COL9A1: variants seen among roughly 807,000 people sequenced by gnomAD.
The protein encoded by COL9A1 is collagen alpha-1(IX) chain.
In COL9A1, 104 loss-of-function variants were observed where a neutral mutation model predicts 142.6. The observed-to-expected ratio is 0.73, with a 90% CI of 0.62 to 0.86. The LOEUF is 0.86. Among genes scored for constraint, COL9A1 ranks in the 40% least tolerant of loss-of-function variants. COL9A1 has a pLI of 0.00. For synonymous variants in COL9A1, 466 were observed against 396.0 expected (o/e 1.18, Z -2.10); for missense variants, 1,210 against 1,176.6 (o/e 1.03, Z -0.42).
chr6:70,280,802 G>A lies in COL9A1; in HGVS notation c.975+10C>T. ...CAGGCTGGGCGCCCTCCCAGCACTC[G>A]CCTACTCACATCAGCGCCAGGTGTG... On this transcript the variant is annotated intron_variant, in intron 10 of 37. Coordinates refer to ENST00000357250, the MANE Select transcript of COL9A1 (RefSeq NM_001851.6). 1 of 1,610,912 alleles carries A rather than the reference G, an allele frequency of 6.2e-7. No individual in the cohort carries two copies. Among genetic ancestry groups the A allele is most frequent in the Non-Finnish European group, 8.5e-7 (1 of 1,178,926 alleles).
At chr6:70,256,507 A>G (rs1190110575) in intron 21 of COL9A1, among the ~76,000 whole-genome samples, 1 of 152,180 alleles carries the variant, frequency 6.6e-6, no homozygotes, top group African/African-American at 2.4e-5. Flanking sequence ...CTAATAACCA[A>G]AGAAAAGGAA....
At chr6:70,262,788 CATG>C (rs1248405889) in intron 19 of COL9A1, among the ~76,000 whole-genome samples, 8 of 152,272 alleles carry the variant, frequency 5.3e-5, no homozygotes, top group African/African-American at 1.9e-4. Context: ...TATTAAAAGA[CATG>C]ATATGAGCAA....
chr6:70,232,671 T>TCCAGGAGGGCCGGGGGGA lies in COL9A1; in HGVS notation c.2397_2414dup (p.Pro800_Gly805dup). ...CCATCTGGCCTGGGAAACCATTCTC[T>TCCAGGAGGGCCGGGGGGA]CCAGGAGGGCCGGGGGGACCAGGAG... On this transcript the variant is annotated inframe_insertion, in exon 36 of 38. Coordinates refer to ENST00000357250, the MANE Select transcript of COL9A1 (RefSeq NM_001851.6). 6.2e-7 allele frequency: 1 copy of TCCAGGAGGGCCGGGGGGA among 1,613,966 alleles called. No individual in the cohort carries two copies. Among genetic ancestry groups the TCCAGGAGGGCCGGGGGGA allele is most frequent in the South Asian group, 1.1e-5 (1 of 91,066 alleles).
At chr6:70,288,977 T>A (rs181833496) in intron 5 of COL9A1, among the ~76,000 whole-genome samples, 1 of 152,182 alleles carries the variant, frequency 6.6e-6, no homozygotes, top group Non-Finnish European at 1.5e-5. Context: ...AGATGTTTAA[T>A]AGTTACTGAA....
chr6:70,279,367 A>G (rs575919520), intron 10 of COL9A1: 3 of 151,984 alleles, frequency 2.0e-5, no homozygotes, highest in Non-Finnish European at 4.4e-5. Context: ...ATTAGTCCTT[A>G]GGTGCCTCCT....
rs1361950697 is a variant in COL9A1 at position 70,216,846 on chromosome 6, G to T, written c.*51C>A. On this transcript the variant is annotated 3_prime_UTR_variant, in exon 38 of 38. Transcript: ENST00000357250. Reference sequence around the variant, plus strand: ...GCTTTGGATGGTGTTTCTCACCCAGGCTCCTTCACCAGGCGTGGTTCATGC... The same window carrying T: ...GCTTTGGATGGTGTTTCTCACCCAGTCTCCTTCACCAGGCGTGGTTCATGC... 5 of 1,594,436 alleles carry T rather than the reference G, an allele frequency of 3.1e-6. No individual in the cohort carries two copies. The highest frequency in any genetic ancestry group is 3.4e-6 in the Non-Finnish European group (4 of 1,164,034).
At chr6:70,281,552 G>T in intron 7 of COL9A1, 88 bp from the exon 8 acceptor site, 2 of 1,026,732 alleles carry the variant, frequency 1.9e-6, no homozygotes, top group Admixed American at 2.7e-5. Flanking sequence ...CCGCCTCCGT[G>T]GGGTAAAAGT....
At position 70,295,177 on chromosome 6, in the gene COL9A1, TA is replaced by T. The variant is rs200273643; in HGVS notation, c.300-615del. Among the ~76,000 whole-genome samples the T allele has an allele frequency of 4.1e-3, 624 of 152,174 alleles. 14 individuals are homozygous for T. In the South Asian group the frequency reaches 0.045, roughly 11 times the overall value. On this transcript the variant is annotated intron_variant, in intron 4 of 37. Coordinates refer to ENST00000357250, the MANE Select transcript of COL9A1 (RefSeq NM_001851.6). ...CACACTGAGGATGTTTGTCTTTTTT[TA>T]GGGAGTTCAAATTATGATGTTAAAG...
chr6:70,282,839 G>T, intron 7 of COL9A1, 59 bp downstream of exon 7: 1 of 1,612,898 alleles, frequency 6.2e-7, no homozygotes. Context: ...CGACCGCTGC[G>T]CCCCGACCTG....
intron 7 of COL9A1, 110 bp from the exon 8 acceptor site, chr6:70,281,574 G>T: frequency 3.7e-6 from 3 of 811,692 alleles, no homozygotes; most frequent in Non-Finnish European, 5.8e-6. Flanking sequence ...ACCTTCCAGA[G>T]GAGGCCGGGT....
intron 35 of COL9A1, among the ~76,000 whole-genome samples, chr6:70,233,966 A>G (rs999168181): frequency 6.6e-6 from 1 of 152,262 alleles, no homozygotes; most frequent in Non-Finnish European, 1.5e-5. Flanking sequence ...TTCTGAAACA[A>G]ATAACAATTG....
intron 21 of COL9A1, among the ~76,000 whole-genome samples, chr6:70,255,885 A>G (rs547528574): frequency 2.4e-4 from 37 of 152,338 alleles, no homozygotes; most frequent in South Asian, 6.2e-4. Context: ...TTCCTAAAAT[A>G]TAGCTTTTGT....
chr6:70,248,943 CA>C (rs1423610802), intron 28 of COL9A1, among the ~76,000 whole-genome samples: 2 of 151,944 alleles, frequency 1.3e-5, no homozygotes, highest in Admixed American at 1.3e-4. Flanking sequence ...ATTAACATTC[CA>C]ATTACATCTG....
intron 29 of COL9A1, 142 bp from the exon 30 acceptor site, chr6:70,242,177 T>G: frequency 1.3e-6 from 1 of 745,036 alleles, no homozygotes; most frequent in African/African-American, 1.7e-5. Flanking sequence ...TGGGTTTGCC[T>G]CTCTTTCATA....
At chr6:70,234,299 C>CA (rs1376237848) in intron 35 of COL9A1, among the ~76,000 whole-genome samples, 4 of 132,022 alleles carry the variant, frequency 3.0e-5, no homozygotes, top group African/African-American at 5.2e-5. Flanking sequence ...AAAAACAAAA[C>CA]AAAACAAAAA....
rs894707871 is a variant in COL9A1 at position 70,274,482 on chromosome 6, G to A, written c.1029+237C>T. 5.3e-5 allele frequency among the ~76,000 whole-genome samples: 8 copies of A among 151,996 alleles called. No homozygotes were observed. The East Asian group carries it at 9.6e-4, about 18-fold the overall frequency. Reference sequence around the variant, plus strand: ...GCAGTATTTGGTTTTCTGTTCCTGCGTTAGTTTGCTGAAAATAATGGCTTC... The same window carrying A: ...GCAGTATTTGGTTTTCTGTTCCTGCATTAGTTTGCTGAAAATAATGGCTTC... On this transcript the variant is annotated intron_variant, in intron 11 of 37. Coordinates refer to ENST00000357250, the MANE Select transcript of COL9A1 (RefSeq NM_001851.6).
chr6:70,301,919 T>C, intron 2 of COL9A1, 82 bp downstream of exon 2: 1 of 1,121,732 alleles, frequency 8.9e-7, no homozygotes, highest in Admixed American at 2.0e-5. Context: ...AATGCCTCAC[T>C]CAGTCTTCAG....
chr6:70,285,112 G>A (rs1773399792), intron 5 of COL9A1, among the ~76,000 whole-genome samples: 1 of 152,202 alleles, frequency 6.6e-6, no homozygotes, highest in South Asian at 2.1e-4. Context: ...CAAATGTGAG[G>A]TAATTCATTA....
At chr6:70,255,871 T>C (rs1372887393) in intron 21 of COL9A1, among the ~76,000 whole-genome samples, 2 of 152,218 alleles carry the variant, frequency 1.3e-5, no homozygotes, top group Non-Finnish European at 2.9e-5. Flanking sequence ...TAAGAGGCTG[T>C]GTCTTCCTAA....
Sources: allele counts gnomAD v4.1 joint callset (sites outside exome capture counted in the v4.1 genomes callset), GRCh38; gene constraint gnomAD v4.1.1; transcripts MANE v1.5; gene names NCBI Gene and HGNC (gene_info 2026-07-23, HGNC 2026-07-21).